KCMF1: variants seen among roughly 807,000 people sequenced by gnomAD.
KCMF1 encodes E3 ubiquitin-protein ligase KCMF1.
A neutral mutation model predicts 41.1 loss-of-function variants in KCMF1; 3 were observed. That is an observed-to-expected ratio of 0.07 (90% CI 0.03 to 0.19). KCMF1 has a LOEUF of 0.19. KCMF1 is among the 10% of genes least tolerant of loss of function. KCMF1 has a pLI of 1.00. For missense variants in KCMF1, 286 were observed against 488.9 expected (o/e 0.58, Z 3.91); for synonymous variants, 142 against 164.5 (o/e 0.86, Z 1.04).
chr2:85,017,954 A>C (rs1674822697), intron 1 of KCMF1, among the ~76,000 whole-genome samples: 1 of 152,158 alleles, frequency 6.6e-6, no homozygotes, highest in Non-Finnish European at 1.5e-5. Context: ...TTTAGTTCAT[A>C]GCTTTCATTT....
chr2:85,041,009 C>T (rs185355879), intron 3 of KCMF1, among the ~76,000 whole-genome samples: 29 of 152,210 alleles, frequency 1.9e-4, no homozygotes, highest in Admixed American at 5.9e-4. Flanking sequence ...ATCCACCCAC[C>T]TCAGCCTTCC....
At chr2:85,019,799 T>C (rs1674885498) in intron 1 of KCMF1, among the ~76,000 whole-genome samples, 1 of 151,788 alleles carries the variant, frequency 6.6e-6, no homozygotes, top group South Asian at 2.1e-4. Context: ...CGTATATATG[T>C]GTGTGTATAT....
chr2:85,018,838 T>C (rs1228324736), intron 1 of KCMF1, among the ~76,000 whole-genome samples: 3 of 129,752 alleles, frequency 2.3e-5, no homozygotes, highest in Non-Finnish European at 4.7e-5. Context: ...AGAGTCTCGC[T>C]CTGTCGCCCA....
chr2:85,006,579 G>A (rs561475026), intron 1 of KCMF1, among the ~76,000 whole-genome samples: 65 of 151,812 alleles, frequency 4.3e-4, no homozygotes, highest in African/African-American at 1.4e-3. Context: ...GATTACAGGC[G>A]TGAGCCACCG....
chr2:84,997,149 CTCAG>C (rs1674196777), intron 1 of KCMF1, among the ~76,000 whole-genome samples: 2 of 152,284 alleles, frequency 1.3e-5, no homozygotes, highest in South Asian at 4.1e-4. Context: ...GTGACAACTA[CTCAG>C]TCATAGAACA....
chr2:85,018,135 T>C (rs1307839607), intron 1 of KCMF1, among the ~76,000 whole-genome samples: 2 of 152,214 alleles, frequency 1.3e-5, no homozygotes, highest in Non-Finnish European at 2.9e-5. Flanking sequence ...TTCATTTATC[T>C]TGCTAGGTGA....
chr2:85,050,286 A>T (rs879332854), intron 6 of KCMF1, among the ~76,000 whole-genome samples: 3 of 152,210 alleles, frequency 2.0e-5, no homozygotes, highest in Non-Finnish European at 2.9e-5. Context: ...ATCATAATTA[A>T]CGTTGCTTGT....
intron 1 of KCMF1, among the ~76,000 whole-genome samples, chr2:85,007,390 T>C (rs150484173): frequency 2.6e-5 from 4 of 152,310 alleles, no homozygotes; most frequent in African/African-American, 4.8e-5. Context: ...GGAGAAATCA[T>C]TGGGCAAGGT....
At chr2:84,976,238 G>T (rs921016435) in intron 1 of KCMF1, among the ~76,000 whole-genome samples, 1 of 139,564 alleles carries the variant, frequency 7.2e-6, no homozygotes, top group African/African-American at 2.7e-5. Flanking sequence ...ACAGAGTCTC[G>T]CTCTGTCGCC....
At chr2:85,038,346 A>G (rs1263412680) in intron 3 of KCMF1, among the ~76,000 whole-genome samples, 1 of 152,206 alleles carries the variant, frequency 6.6e-6, no homozygotes, top group Non-Finnish European at 1.5e-5. Flanking sequence ...ATATTGGCAA[A>G]ATGGATGGCC....
intron 1 of KCMF1, among the ~76,000 whole-genome samples, chr2:85,001,250 C>A (rs1001162644): frequency 6.6e-6 from 1 of 151,924 alleles, no homozygotes; most frequent in Non-Finnish European, 1.5e-5. Flanking sequence ...CTCTGCCTCC[C>A]AGGTTCAAGT....
chr2:85,059,217 A>C lies in KCMF1; in HGVS notation c.*5808A>C, dbSNP rs1676007710. ...TCCCCATAAAAGTCCATTTTTAAAT[A>C]TATAGTATGCTAATTAGCAGTGTCT... On this transcript the variant is annotated 3_prime_UTR_variant, in exon 7 of 7. Coordinates refer to ENST00000409785, the MANE Select transcript of KCMF1 (RefSeq NM_020122.5). 1 of 152,230 alleles carries C rather than the reference A, an allele frequency of 6.6e-6. No homozygotes were observed. Among genetic ancestry groups the C allele is most frequent in the African/African-American group, 2.4e-5 (1 of 41,450 alleles). The allele number at this position is 152,230 out of a possible 1,614,324, so 9.4% of individuals were successfully genotyped here. A position where few individuals can be genotyped will look rare whatever the true frequency, so the allele number is the denominator to read the frequency against.
Position 85,009,206 on chromosome 2 carries a change from G to T in KCMF1, c.17-18683G>T, listed in dbSNP as rs991014766. ...ATGAGATCTGGTTGTTTGAAAGTGT[G>T]TGGCACTTCCCCTTTCGTGCTGTCT... On this transcript the variant is annotated intron_variant, in intron 1 of 6. Coordinates refer to ENST00000409785, the MANE Select transcript of KCMF1 (RefSeq NM_020122.5). Among the ~76,000 whole-genome samples, 7 of 152,076 alleles carry T rather than the reference G, an allele frequency of 4.6e-5. 1 individual carries two copies. Among genetic ancestry groups the T allele is most frequent in the Admixed American group, 3.9e-4 (6 of 15,252 alleles).
chr2:85,007,884 C>T (rs777468156), intron 1 of KCMF1, among the ~76,000 whole-genome samples: 1 of 152,136 alleles, frequency 6.6e-6, no homozygotes, highest in Non-Finnish European at 1.5e-5. Flanking sequence ...GCCTCAGCCT[C>T]CCAAGTAGCT....
intron 1 of KCMF1, among the ~76,000 whole-genome samples, chr2:84,976,305 C>G (rs1055274248): frequency 3.3e-5 from 5 of 150,422 alleles, no homozygotes; most frequent in Admixed American, 6.7e-5. Flanking sequence ...CTCCTGTGTT[C>G]GAGTGATTCT....
chr2:84,995,817 T>C (rs1046783859), intron 1 of KCMF1, among the ~76,000 whole-genome samples: 10 of 152,188 alleles, frequency 6.6e-5, no homozygotes, highest in African/African-American at 1.4e-4. Flanking sequence ...AGAACTCTTA[T>C]TCACATACTT....
chr2:84,981,151 A>G (rs1213172639), intron 1 of KCMF1, among the ~76,000 whole-genome samples: 1 of 151,588 alleles, frequency 6.6e-6, no homozygotes, highest in Non-Finnish European at 1.5e-5. Flanking sequence ...AAGCATCTTG[A>G]TATCATGACT....
chr2:85,046,724 T>C (rs1675675173), intron 5 of KCMF1, among the ~76,000 whole-genome samples: 1 of 152,008 alleles, frequency 6.6e-6, no homozygotes. Context: ...CCCAAATACA[T>C]TAAAAGTGTA....
rs1675978842 is a variant in KCMF1, at chr2:85,058,164, G to A, written c.*4755G>A. 2 of 152,318 alleles carry A rather than the reference G, an allele frequency of 1.3e-5. No homozygotes were observed. Among genetic ancestry groups the A allele is most frequent in the Non-Finnish European group, 2.9e-5 (2 of 68,202 alleles). 9.4% of individuals were successfully genotyped at this position (152,318 alleles called of 1,614,324 possible). ...GCACTTTGGGAGGCCAAGGCGGGTG[G>A]ATCACGAGGTTAGTTCAGGACCAGC... On this transcript the variant is annotated 3_prime_UTR_variant, in exon 7 of 7. Transcript: ENST00000409785.
Sources: gnomAD v4.1 joint callset for allele counts (sites outside exome capture counted in the v4.1 genomes callset) on GRCh38, gnomAD v4.1.1 for gene constraint, MANE v1.5 for transcripts, NCBI Gene and HGNC (gene_info 2026-07-23, HGNC 2026-07-21) for gene names.